NKAIN2: variants seen among roughly 807,000 people sequenced by gnomAD.
NKAIN2 encodes the protein sodium/potassium transporting ATPase interacting 2, also known as sodium/potassium-transporting ATPase subunit beta-1-interacting protein 2.
Under a neutral mutation model 32.6 loss-of-function variants are expected in NKAIN2, and 14 were observed. The observed-to-expected ratio is 0.43, with a 90% CI of 0.28 to 0.67. The LOEUF is 0.67. NKAIN2 is among the 30% of genes least tolerant of loss of function. The pLI, the probability that NKAIN2 is intolerant of heterozygous loss-of-function variation, is 0.17. For missense variants in NKAIN2, 198 were observed against 258.3 expected (o/e 0.77, Z 1.60); for synonymous variants, 80 against 87.2 (o/e 0.92, Z 0.46).
chr6:124,360,275 T>C (rs1799220793), intron 3 of NKAIN2, among the ~76,000 whole-genome samples: 1 of 152,192 alleles, frequency 6.6e-6, no homozygotes, highest in Admixed American at 6.5e-5. Flanking sequence ...ATCAGGATGA[T>C]GCTGGCCTCA....
intron 1 of NKAIN2, among the ~76,000 whole-genome samples, chr6:124,107,704 C>T (rs1785186347): frequency 6.6e-6 from 1 of 152,074 alleles, no homozygotes; most frequent in South Asian, 2.1e-4. Context: ...ATTTCCCCAC[C>T]TCTCTTTCAG....
rs115455381 is a variant in NKAIN2 at position 124,578,890 on chromosome 6, A to G, written c.274-79296A>G. Among the ~76,000 whole-genome samples, 1,428 of 152,138 alleles carry G rather than the reference A, an allele frequency of 9.4e-3. 25 individuals are homozygous for G. Among genetic ancestry groups the G allele is most frequent in the African/African-American group, 0.033 (1,380 of 41,532 alleles). ...GACAGAAAGAGAGATAGCAGGGTGG[A>G]GAGAGAGAGACTCTTTGTTTAGGAG... On this transcript the variant is annotated intron_variant, in intron 3 of 6. Coordinates refer to ENST00000368417, the MANE Select transcript of NKAIN2 (RefSeq NM_001040214.3).
At chr6:124,269,380 T>G (rs992158554) in intron 1 of NKAIN2, among the ~76,000 whole-genome samples, 3 of 152,158 alleles carry the variant, frequency 2.0e-5, no homozygotes, top group Non-Finnish European at 2.9e-5. Context: ...AAAACGTCCC[T>G]GCAGCCATCT....
intron 5 of NKAIN2, among the ~76,000 whole-genome samples, chr6:124,811,077 T>A (rs1780884931): frequency 6.6e-6 from 1 of 152,188 alleles, no homozygotes; most frequent in African/African-American, 2.4e-5. Context: ...TGTTTTACGT[T>A]CCTTTTGTAT....
At chr6:124,337,475 C>T (rs901930054) in intron 2 of NKAIN2, among the ~76,000 whole-genome samples, 1 of 152,184 alleles carries the variant, frequency 6.6e-6, no homozygotes, top group African/African-American at 2.4e-5. Flanking sequence ...CCACTGCACT[C>T]CAGCCTGGGT....
chr6:123,926,427 C>T (rs559654819), intron 1 of NKAIN2, among the ~76,000 whole-genome samples: 34 of 151,908 alleles, frequency 2.2e-4, no homozygotes, highest in African/African-American at 6.5e-4. Context: ...CCCAGATTCC[C>T]GCTGCAGTGT....
At chr6:124,434,358 G>A (rs1775346779) in intron 3 of NKAIN2, among the ~76,000 whole-genome samples, 1 of 152,078 alleles carries the variant, frequency 6.6e-6, no homozygotes, top group South Asian at 2.1e-4. Context: ...TTGCTTTTTT[G>A]AGCTAGGGAA....
At chr6:124,192,471 A>G (rs190589938) in intron 1 of NKAIN2, among the ~76,000 whole-genome samples, 1 of 152,226 alleles carries the variant, frequency 6.6e-6, no homozygotes. Context: ...TAAGACATCA[A>G]TCTTTTGAAT....
Position 124,417,061 on chromosome 6 carries a change from TA to T in NKAIN2, c.273+61717del, listed in dbSNP as rs1774521679. Among the ~76,000 whole-genome samples, 3 of 152,166 alleles carry T rather than the reference TA, an allele frequency of 2.0e-5. 1 individual carries two copies. The South Asian group carries it at 6.2e-4, about 32-fold the overall frequency. ...AATACCAAATAATCTTGTTTTCAATTAAAGAAATCACTTAGCATATTAAGAA... is the reference window on the plus strand; with the variant it reads ...AATACCAAATAATCTTGTTTTCAATTAAGAAATCACTTAGCATATTAAGAA... On this transcript the variant is annotated intron_variant, in intron 3 of 6. Transcript: ENST00000368417.
At chr6:123,845,829 A>G (rs1242922670) in intron 1 of NKAIN2, among the ~76,000 whole-genome samples, 2 of 152,232 alleles carry the variant, frequency 1.3e-5, no homozygotes, top group Non-Finnish European at 2.9e-5. Flanking sequence ...CAGTGATGCT[A>G]AAGCGTTCCA....
chr6:124,589,308 A>G (rs867949050), intron 3 of NKAIN2, among the ~76,000 whole-genome samples: 1 of 152,240 alleles, frequency 6.6e-6, no homozygotes, highest in Non-Finnish European at 1.5e-5. Flanking sequence ...TGAATTTTCC[A>G]GATAACTGAA....
At chr6:124,346,838 AAAGTT>A (rs1798448991) in intron 2 of NKAIN2, among the ~76,000 whole-genome samples, 1 of 151,832 alleles carries the variant, frequency 6.6e-6, no homozygotes, top group Admixed American at 6.6e-5. Flanking sequence ...ATTTACATTT[AAAGTT>A]AATATTGTTA....
chr6:124,153,938 T>TTA (rs1787856769), intron 1 of NKAIN2, among the ~76,000 whole-genome samples: 1 of 151,198 alleles, frequency 6.6e-6, no homozygotes, highest in Admixed American at 6.6e-5. Flanking sequence ...CTATTCCTTT[T>TTA]TTTTTTGTAG....
At chr6:124,334,922 G>A (rs1797805932) in intron 2 of NKAIN2, among the ~76,000 whole-genome samples, 1 of 152,208 alleles carries the variant, frequency 6.6e-6, no homozygotes, top group African/African-American at 2.4e-5. Context: ...TTAGAAGCAA[G>A]ATGGAGTCAG....
At chr6:124,572,827 A>G (rs1262724295) in intron 3 of NKAIN2, among the ~76,000 whole-genome samples, 4 of 151,762 alleles carry the variant, frequency 2.6e-5, no homozygotes, top group African/African-American at 9.7e-5. Flanking sequence ...CCAAAAAGTT[A>G]TATTTGTTAT....
intron 3 of NKAIN2, among the ~76,000 whole-genome samples, chr6:124,607,664 A>G (rs1256471204): frequency 6.6e-6 from 1 of 152,064 alleles, no homozygotes; most frequent in African/African-American, 2.4e-5. Context: ...TTATACACAC[A>G]CACAAACATA....
intron 3 of NKAIN2, among the ~76,000 whole-genome samples, chr6:124,421,045 G>T (rs1159624599): frequency 7.0e-6 from 1 of 142,946 alleles, no homozygotes; most frequent in Non-Finnish European, 1.5e-5. Context: ...AAATTCAGGG[G>T]ATCATATAAT....
chr6:124,812,990 GC>G (rs1338274037), intron 5 of NKAIN2, among the ~76,000 whole-genome samples: 5 of 150,442 alleles, frequency 3.3e-5, no homozygotes, highest in African/African-American at 1.2e-4. Context: ...CAGACAATAT[GC>G]CAAGTCGCAT....
intron 3 of NKAIN2, among the ~76,000 whole-genome samples, chr6:124,400,451 A>G (rs552182269): frequency 5.9e-5 from 9 of 152,108 alleles, no homozygotes; most frequent in Admixed American, 3.9e-4. Context: ...CTATCTATAT[A>G]TTTTTTTAAT....
Sources: gnomAD v4.1 joint callset for allele counts (sites outside exome capture counted in the v4.1 genomes callset) on GRCh38, gnomAD v4.1.1 for gene constraint, MANE v1.5 for transcripts, NCBI Gene and HGNC (gene_info 2026-07-23, HGNC 2026-07-21) for gene names.